The following PIPOX variants were observed in gnomAD, a reference collection of about 807,000 sequenced individuals.
PIPOX encodes the protein peroxisomal sarcosine oxidase.
In PIPOX, 45 loss-of-function variants were observed where a neutral mutation model predicts 47.9. That is an observed-to-expected ratio of 0.94 (90% CI 0.74 to 1.20). The LOEUF is 1.20. Among genes scored for constraint, PIPOX ranks in the 50% most tolerant of loss-of-function variants. The pLI is 0.00. For missense variants in PIPOX, 458 were observed against 498.4 expected (o/e 0.92, Z 0.77); for synonymous variants, 165 against 191.3 (o/e 0.86, Z 1.13).
intron 2 of PIPOX, among the ~76,000 whole-genome samples, chr17:29,045,211 G>A (rs1289621056): frequency 1.3e-5 from 2 of 152,178 alleles, no homozygotes; most frequent in Admixed American, 6.5e-5. Context: ...CTGCGTTGCA[G>A]GACTGGGTTC....
At chr17:29,051,475 C>G (rs554362715) in intron 2 of PIPOX, among the ~76,000 whole-genome samples, 1 of 152,142 alleles carries the variant, frequency 6.6e-6, no homozygotes, top group African/African-American at 2.4e-5. Context: ...TAGGCTATTA[C>G]GAGCTTTACA....
intron 5 of PIPOX, 127 bp downstream of exon 5, chr17:29,054,818 C>T (rs1217082412): frequency 8.5e-6 from 10 of 1,182,970 alleles, no homozygotes; most frequent in South Asian, 3.0e-5. Flanking sequence ...TCACTCATGG[C>T]GATTTGCAAG....
rs572940557 is a variant in PIPOX, at chr17:29,046,684, G to A, written c.263+1677G>A. On this transcript the variant is annotated intron_variant, in intron 2 of 7. Coordinates refer to ENST00000323372, the MANE Select transcript of PIPOX (RefSeq NM_016518.3). ...CAGATACCAAGGGGAGTGGCAGCAGGAAAGAGGGAGAGGGATCCTTGGGTA... is the reference window on the plus strand; with the variant it reads ...CAGATACCAAGGGGAGTGGCAGCAGAAAAGAGGGAGAGGGATCCTTGGGTA... The A allele has an allele frequency of 4.2e-5, 41 of 985,414 alleles. No homozygotes were observed. In the African/African-American group the frequency reaches 6.3e-4, roughly 15 times the overall value. 61.0% of individuals were successfully genotyped at this position (985,414 alleles called of 1,614,324 possible). A position where few individuals can be genotyped will look rare whatever the true frequency, so the allele number is the denominator to read the frequency against.
Position 29,055,996 on chromosome 17 carries a change from G to T in PIPOX, c.1042+108G>T, listed in dbSNP as rs568980060. 6 of 1,285,810 alleles carry T rather than the reference G, an allele frequency of 4.7e-6. No individual in the cohort carries two copies. The East Asian group carries it at 6.9e-5, about 15-fold the overall frequency. 79.7% of individuals were successfully genotyped at this position (1,285,810 alleles called of 1,614,324 possible). Reference sequence around the variant, plus strand: ...GCTGCCCAGATAGGTGTGAAGCCTGGACATTGTAGGTATAAGGAGGCTGGG... The same window carrying T: ...GCTGCCCAGATAGGTGTGAAGCCTGTACATTGTAGGTATAAGGAGGCTGGG... On this transcript the variant is annotated intron_variant, in intron 7 of 7. Transcript: ENST00000323372.
intron 5 of PIPOX, 44 bp downstream of exon 5, chr17:29,054,735 AT>A (rs1398569473): frequency 6.3e-7 from 1 of 1,595,920 alleles, no homozygotes; most frequent in Non-Finnish European, 8.6e-7. Context: ...GCCAGTGCAG[AT>A]TAGGGGAAGC....
At position 29,044,856 on chromosome 17, in the gene PIPOX, C is replaced by T. The variant is rs1038400342; in HGVS notation, c.115-3C>T. The T allele has an allele frequency of 6.2e-7, 1 of 1,609,056 alleles. No individual in the cohort carries two copies. The highest frequency in any genetic ancestry group is 8.5e-7 in the Non-Finnish European group (1 of 1,177,518). On this transcript the variant is annotated splice_region_variant and splice_polypyrimidine_tract_variant and intron_variant, in intron 1 of 7. Coordinates refer to ENST00000323372, the MANE Select transcript of PIPOX (RefSeq NM_016518.3). ...CATCATCTCTCTTGTTTTCCACTTC[C>T]AGTTCTTTCTACCACACTCCCGAGG...
Position 29,056,460 on chromosome 17 carries a change from C to T in PIPOX, c.*155C>T. The stretch of plus-strand genomic sequence containing the variant: ...CAGATGATTGAGTCTACCTTCTTTC[C>T]TTGGCCCGCTCCCTTTTTCTTCTGC... On this transcript the variant is annotated 3_prime_UTR_variant, in exon 8 of 8. Transcript: ENST00000323372. 2.5e-6 allele frequency: 2 copies of T among 796,330 alleles called. No individual in the cohort carries two copies. The highest frequency in any genetic ancestry group is 3.9e-6 in the Non-Finnish European group (2 of 510,738). 49.3% of individuals were successfully genotyped at this position (796,330 alleles called of 1,614,324 possible). A position where few individuals can be genotyped will look rare whatever the true frequency, so the allele number is the denominator to read the frequency against.
intron 2 of PIPOX, among the ~76,000 whole-genome samples, chr17:29,048,012 G>C (rs767507075): frequency 2.6e-5 from 4 of 152,178 alleles, no homozygotes; most frequent in Non-Finnish European, 5.9e-5. Context: ...AGAGTGCTAA[G>C]TATTCTTACT....
intron 2 of PIPOX, among the ~76,000 whole-genome samples, chr17:29,045,934 A>G (rs2065784174): frequency 6.6e-6 from 1 of 152,092 alleles, no homozygotes; most frequent in African/African-American, 2.4e-5. Flanking sequence ...ACTCATGGGA[A>G]AGAAAGCCAA....
At chr17:29,043,942 G>T (rs1026513026) in intron 1 of PIPOX, among the ~76,000 whole-genome samples, 2 of 152,132 alleles carry the variant, frequency 1.3e-5, no homozygotes, top group African/African-American at 4.8e-5. Context: ...GCATATGTGG[G>T]TGGGCCCTGT....
At chr17:29,053,951 C>T (rs1781628558) in intron 4 of PIPOX, among the ~76,000 whole-genome samples, 1 of 152,144 alleles carries the variant, frequency 6.6e-6, no homozygotes, top group African/African-American at 2.4e-5. Context: ...AAGACCAAAG[C>T]AGGAGAATTT....
intron 2 of PIPOX, among the ~76,000 whole-genome samples, chr17:29,047,812 C>T (rs1354654190): frequency 6.6e-6 from 1 of 152,088 alleles, no homozygotes; most frequent in Non-Finnish European, 1.5e-5. Flanking sequence ...TGGAAGATAC[C>T]TCAAACTGGT....
At chr17:29,048,328 C>T (rs1447306617) in intron 2 of PIPOX, among the ~76,000 whole-genome samples, 1 of 152,132 alleles carries the variant, frequency 6.6e-6, no homozygotes, top group Non-Finnish European at 1.5e-5. Context: ...ATACTTAATG[C>T]TATTTGATGA....
intron 2 of PIPOX, chr17:29,046,750 G>A (rs2065786908): frequency 3.0e-6 from 3 of 985,292 alleles, no homozygotes; most frequent in African/African-American, 3.5e-5. Flanking sequence ...TTTGCCAGGA[G>A]GACAGGAATT....
At position 29,043,182 on chromosome 17, in the gene PIPOX, G is replaced by A; in HGVS notation, c.-44G>A. On this transcript the variant is annotated 5_prime_UTR_variant, in exon 1 of 8. Transcript: ENST00000323372. ...TTTAGCCGGGAGCCTGTCTTTGCTT[G>A]CCTTTGCCTTTGAGGCTCTGTGGCT... 1 of 1,476,568 alleles carries A rather than the reference G, an allele frequency of 6.8e-7. No individual in the cohort carries two copies. The highest frequency in any genetic ancestry group is 9.4e-7 in the Non-Finnish European group (1 of 1,061,768). 91.5% of individuals were successfully genotyped at this position (1,476,568 alleles called of 1,614,324 possible). A position where few individuals can be genotyped will look rare whatever the true frequency, so the allele number is the denominator to read the frequency against.
At chr17:29,046,672 G>A (rs2065786608) in intron 2 of PIPOX, 1 of 985,310 alleles carries the variant, frequency 1.0e-6, no homozygotes, top group African/African-American at 1.7e-5. Flanking sequence ...ATACCAAGGG[G>A]AGTGGCAGCA....
At chr17:29,044,813 G>A in intron 1 of PIPOX, 46 bp from the exon 2 acceptor site, 1 of 1,574,374 alleles carries the variant, frequency 6.4e-7, no homozygotes, top group Non-Finnish European at 8.6e-7. Flanking sequence ...GGGATGCAGT[G>A]TGAGGGGTAA....
In PIPOX at chr17:29,055,079, G is replaced by C. The variant is rs200945242; in HGVS notation, c.824G>C (p.Gly275Ala). ...GGGAGCCAGGTCAGCTATCACCACG[G>C]CAACCACGCAGACCCTGAGGAGCGG... ...PGLMKVSYHH[G>A]NHADPEERDC... is the part of the protein sequence containing the mutation. Residue 275 changes from glycine to alanine, a missense_variant, in exon 6 of 8, where the codon GGC becomes GCC. Coordinates refer to ENST00000323372, the MANE Select transcript of PIPOX (RefSeq NM_016518.3). 13 of 1,614,168 alleles carry C rather than the reference G, an allele frequency of 8.1e-6. No individual in the cohort carries two copies. In the East Asian group the frequency reaches 2.2e-4, roughly 28 times the overall value.
rs1184611144 is a variant in PIPOX, at chr17:29,054,667, A to T, written c.783A>T (p.Thr261=). ...CCCACCACATCTACGGACTGCCCAC[A>T]GGAGAGTACCCAGGGCTGATGAAGG... ...LCPHHIYGLP[T]GEYPGLMKVS... The change falls in exon 5 of 8, where the codon ACA becomes ACT. Residue 261 remains threonine (T), a synonymous_variant. Transcript: ENST00000323372. 1 of 1,614,172 alleles carries T rather than the reference A, an allele frequency of 6.2e-7. No homozygotes were observed. The highest frequency in any genetic ancestry group is 8.5e-7 in the Non-Finnish European group (1 of 1,180,018).
Sources: allele counts gnomAD v4.1 joint callset (sites outside exome capture counted in the v4.1 genomes callset), GRCh38; gene constraint gnomAD v4.1.1; transcripts MANE v1.5; gene names NCBI Gene and HGNC (gene_info 2026-07-23, HGNC 2026-07-21).